Variants in RECQL5 observed in about 807,000 individuals in gnomAD.
RECQL5 encodes the protein ATP-dependent DNA helicase Q5.
In RECQL5, 88 loss-of-function variants were observed where a neutral mutation model predicts 103.4. The ratio of observed to expected loss-of-function variants is 0.85; its 90% CI spans 0.72 to 1.02. The LOEUF is 1.02. Ranked by LOEUF, RECQL5 falls within the 50% of genes least tolerant of loss-of-function variation. The probability of loss-of-function intolerance (pLI) is 0.00; values close to 1 mark genes in which losing one functional copy is unlikely to be tolerated. For synonymous variants in RECQL5, 552 were observed against 507.9 expected (o/e 1.09, Z -1.17); for missense variants, 1,232 against 1,284.3 (o/e 0.96, Z 0.62).
intron 8 of RECQL5, chr17:75,650,798 G>A: frequency 6.4e-7 from 1 of 1,553,610 alleles, no homozygotes; most frequent in South Asian, 1.2e-5. Context: ...GCTTCTGTGT[G>A]GGTCCTGGAT....
rs764886397 is a variant in RECQL5, at chr17:75,627,063, G to T, written c.*359C>A. The T allele has an allele frequency of 2.3e-6, 1 of 441,730 alleles. No individual in the cohort carries two copies. Among genetic ancestry groups the T allele is most frequent in the South Asian group, 1.7e-5 (1 of 59,574 alleles). The allele number at this position is 441,730 out of a possible 1,614,324, so 27.4% of individuals were successfully genotyped here. A position where few individuals can be genotyped will look rare whatever the true frequency, so the allele number is the denominator to read the frequency against. On this transcript the variant is annotated 3_prime_UTR_variant, in exon 20 of 20. Transcript: ENST00000317905. Reference sequence around the variant, plus strand: ...TCTGAGGGTCCCCTGGGTAGGTTCCGATACCTTGGACAGGTGGGCCTCATC... The same window carrying T: ...TCTGAGGGTCCCCTGGGTAGGTTCCTATACCTTGGACAGGTGGGCCTCATC...
chr17:75,647,607 C>G (rs574240243), intron 8 of RECQL5: 2 of 1,536,726 alleles, frequency 1.3e-6, no homozygotes, highest in African/African-American at 2.7e-5. Flanking sequence ...GGGAGGCGAG[C>G]TGACCTGCCC....
chr17:75,649,526 G>T, intron 8 of RECQL5: 2 of 594,258 alleles, frequency 3.4e-6, no homozygotes, highest in Non-Finnish European at 4.2e-6. Flanking sequence ...CACCCCACTA[G>T]CTCTGTCCCT....
chr17:75,658,570 G>A, intron 6 of RECQL5, 110 bp from the exon 7 acceptor site: 1 of 974,212 alleles, frequency 1.0e-6, no homozygotes, highest in Non-Finnish European at 1.6e-6. Context: ...GGGAGGGAGA[G>A]GGATAGTCCC....
intron 8 of RECQL5, among the ~76,000 whole-genome samples, chr17:75,642,516 A>G (rs1330094325): frequency 1.3e-5 from 2 of 152,208 alleles, no homozygotes; most frequent in Non-Finnish European, 2.9e-5. Context: ...GACTTGTCTG[A>G]CAGGTTTAGG....
chr17:75,629,900 A>G, intron 14 of RECQL5, 58 bp from the exon 15 acceptor site: 1 of 1,541,706 alleles, frequency 6.5e-7, no homozygotes, highest in Non-Finnish European at 8.8e-7. Flanking sequence ...GACATGCCCC[A>G]CCTAGCCCTC....
At position 75,627,124 on chromosome 17, in the gene RECQL5, C is replaced by T. The variant is rs2059106475; in HGVS notation, c.*298G>A. The T allele has an allele frequency of 1.9e-6, 1 of 531,844 alleles. No homozygotes were observed. The highest frequency in any genetic ancestry group is 1.5e-5 in the South Asian group (1 of 65,204). 32.9% of individuals were successfully genotyped at this position (531,844 alleles called of 1,614,324 possible). A position where few individuals can be genotyped will look rare whatever the true frequency, so the allele number is the denominator to read the frequency against. On this transcript the variant is annotated 3_prime_UTR_variant, in exon 20 of 20. Transcript: ENST00000317905. ...ACTCGGGGAGGGGCCACTCTTCCTT[C>T]CCCTTCTTCCAGCAGCAGCTCCACC...
chr17:75,645,595 C>T (rs1317374434), intron 8 of RECQL5, among the ~76,000 whole-genome samples: 2 of 152,196 alleles, frequency 1.3e-5, no homozygotes, highest in African/African-American at 2.4e-5. Context: ...CGGAGCTGCA[C>T]GCAAAGGGTG....
chr17:75,643,334 C>T (rs761278911), intron 8 of RECQL5, among the ~76,000 whole-genome samples: 2 of 152,244 alleles, frequency 1.3e-5, no homozygotes, highest in African/African-American at 2.4e-5. Context: ...AGCCCAGCTG[C>T]GGAGAGGTGG....
rs1303965439 is a variant in RECQL5 at position 75,640,670 on chromosome 17, T to C, written c.1230-9002A>G. 2.7e-6 allele frequency: 4 copies of C among 1,474,302 alleles called. No homozygotes were observed. In the Admixed American group the frequency reaches 8.5e-5, roughly 31 times the overall value. 91.3% of individuals were successfully genotyped at this position (1,474,302 alleles called of 1,614,324 possible). ...CACCTCTCACCAGCCTCTCGGATCT[T>C]TCTGACCTCCACCAAACCTGTGGGG... On this transcript the variant is annotated intron_variant, in intron 8 of 19. Transcript: ENST00000317905. This position sits in a 1 kb window ranked among gnomAD's most constrained non-coding sequence, Gnocchi z 4.6.
chr17:75,640,169 C>T lies in RECQL5; in HGVS notation c.1230-8501G>A, dbSNP rs1231536281. On this transcript the variant is annotated intron_variant, in intron 8 of 19. Transcript: ENST00000317905. This position sits in a 1 kb window ranked among gnomAD's most constrained non-coding sequence, Gnocchi z 4.6. ...GGTGTTCTCTCTGCCCCAGCAGAGCCCGGCAGGAGCCCCAACAGGAAGCCA... is the reference window on the plus strand; with the variant it reads ...GGTGTTCTCTCTGCCCCAGCAGAGCTCGGCAGGAGCCCCAACAGGAAGCCA... The T allele has an allele frequency of 6.6e-7, 1 of 1,525,992 alleles. No individual in the cohort carries two copies. The highest frequency in any genetic ancestry group is 1.4e-5 in the African/African-American group (1 of 72,504). The allele number at this position is 1,525,992 out of a possible 1,614,324, so 94.5% of individuals were successfully genotyped here.
Position 75,627,239 on chromosome 17 carries a change from A to C in RECQL5, c.*183T>G. On this transcript the variant is annotated 3_prime_UTR_variant, in exon 20 of 20. Transcript: ENST00000317905. Reference sequence around the variant, plus strand: ...GGGTCTATAGGCTTTGCAAGCAGAAAGAAAGGTGGGCTGACCTCTGACCTG... The same window carrying C: ...GGGTCTATAGGCTTTGCAAGCAGAACGAAAGGTGGGCTGACCTCTGACCTG... The C allele has an allele frequency of 1.5e-6, 1 of 676,214 alleles. No individual in the cohort carries two copies. 41.9% of individuals were successfully genotyped at this position (676,214 alleles called of 1,614,324 possible).
chr17:75,640,964 C>A lies in RECQL5; in HGVS notation c.1230-9296G>T. On this transcript the variant is annotated intron_variant, in intron 8 of 19. Transcript: ENST00000317905. This position sits in a 1 kb window ranked among gnomAD's most constrained non-coding sequence, Gnocchi z 4.6. ...CAATGCCATGACACAGGCCATCAGC[C>A]TGGCCCTGCAGCCCTTACCCCTCAA... 6.6e-7 allele frequency: 1 copy of A among 1,523,354 alleles called. No individual in the cohort carries two copies. The allele number at this position is 1,523,354 out of a possible 1,614,324, so 94.4% of individuals were successfully genotyped here.
At chr17:75,650,942 G>A in intron 8 of RECQL5, 2 of 1,450,512 alleles carry the variant, frequency 1.4e-6, no homozygotes, top group Non-Finnish European at 1.8e-6. Context: ...CCAGAAGAGG[G>A]TGGAGTGGAG....
chr17:75,644,819 ACT>A (rs1248246272), intron 8 of RECQL5, among the ~76,000 whole-genome samples: 1 of 111,662 alleles, frequency 9.0e-6, no homozygotes, highest in Admixed American at 1.0e-4. Flanking sequence ...ACAGAGTGAG[ACT>A]CTGCCTCAAA....
intron 8 of RECQL5, among the ~76,000 whole-genome samples, chr17:75,642,150 T>C (rs2059442684): frequency 6.6e-6 from 1 of 152,190 alleles, no homozygotes; most frequent in East Asian, 1.9e-4. Flanking sequence ...AGCTGAGTTT[T>C]TCTTCCAGAG....
chr17:75,639,496 GA>G (rs2059392264), intron 8 of RECQL5: 2 of 152,328 alleles, frequency 1.3e-5, no homozygotes, highest in African/African-American at 4.8e-5. Flanking sequence ...TCAGGCTAGA[GA>G]AACAGATGAC....
intron 8 of RECQL5, chr17:75,641,019 C>G: frequency 1.4e-6 from 2 of 1,458,962 alleles, no homozygotes; most frequent in East Asian, 5.0e-5. Context: ...CAGCTCTGGC[C>G]CAGCCCAGGT....
At chr17:75,650,086 T>A in intron 8 of RECQL5, 3 of 985,770 alleles carry the variant, frequency 3.0e-6, no homozygotes, top group Non-Finnish European at 3.6e-6. Flanking sequence ...CTTGGCCCTT[T>A]CATTCCTCAC....
Sources: allele counts gnomAD v4.1 joint callset (sites outside exome capture counted in the v4.1 genomes callset), GRCh38; gene constraint gnomAD v4.1.1; non-coding constraint Gnocchi (gnomAD v3.1); transcripts MANE v1.5; gene names NCBI Gene and HGNC (gene_info 2026-07-23, HGNC 2026-07-21).